The following TANGO6 variants were observed in gnomAD, a reference collection of about 807,000 sequenced individuals.
TANGO6 encodes the protein transport and Golgi organization protein 6 homolog.
A neutral mutation model predicts 114.2 loss-of-function variants in TANGO6; 90 were observed. That is an observed-to-expected ratio of 0.79 (90% CI 0.66 to 0.94). The LOEUF (loss-of-function observed/expected upper bound fraction) is 0.94, where lower values mean the gene tolerates loss of function less well. Ranked by LOEUF, TANGO6 falls within the 40% of genes least tolerant of loss-of-function variation. The probability of loss-of-function intolerance (pLI) is 0.00; values close to 1 mark genes in which losing one functional copy is unlikely to be tolerated. For missense variants in TANGO6, 1,274 were observed against 1,315.3 expected, an observed-to-expected ratio of 0.97 and a Z score of 0.49; for synonymous variants, 477 against 509.8, an observed-to-expected ratio of 0.94 and a Z score of 0.87.
chr16:68,860,353 C>T lies in TANGO6; in HGVS notation c.564C>T (p.Ala188=). 9 of 1,613,842 alleles carry T rather than the reference C, an allele frequency of 5.6e-6. No individual in the cohort carries two copies. The highest frequency in any genetic ancestry group is 7.6e-6 in the Non-Finnish European group (9 of 1,179,868). Residue 188 remains alanine (A), a synonymous_variant, in exon 2 of 18, where the codon GCC becomes GCT. Coordinates refer to ENST00000261778, the MANE Select transcript of TANGO6 (RefSeq NM_024562.2). ...VVQDVVCFDA[A]PDATRRLYTS... Reference sequence around the variant, plus strand: ...AAGACGTGGTGTGTTTTGATGCTGCCCCCGATGCAACTCGAAGACTGTACA... The same window carrying T: ...AAGACGTGGTGTGTTTTGATGCTGCTCCCGATGCAACTCGAAGACTGTACA...
intron 16 of TANGO6, among the ~76,000 whole-genome samples, chr16:69,023,930 CAG>C (rs902594196): frequency 1.3e-5 from 2 of 152,022 alleles, no homozygotes; most frequent in East Asian, 1.9e-4. Context: ...TTATTTGAAA[CAG>C]AGTTTCACTC....
At chr16:68,983,861 A>G (rs1404449886) in intron 15 of TANGO6, among the ~76,000 whole-genome samples, 2 of 151,968 alleles carry the variant, frequency 1.3e-5, no homozygotes, top group Admixed American at 6.6e-5. Context: ...GTGAAACCCC[A>G]TCTCTAATAA....
chr16:68,957,155 A>G (rs1266857483), intron 14 of TANGO6, among the ~76,000 whole-genome samples: 1 of 151,754 alleles, frequency 6.6e-6, no homozygotes, highest in Non-Finnish European at 1.5e-5. Context: ...TTATGTGTGT[A>G]TGCATGCATG....
At chr16:68,921,613 T>G (rs992780225) in intron 12 of TANGO6, among the ~76,000 whole-genome samples, 1 of 147,254 alleles carries the variant, frequency 6.8e-6, no homozygotes, top group Admixed American at 6.7e-5. Flanking sequence ...TGTGCTTTTT[T>G]TTTTTTTTTT....
At chr16:68,870,182 G>A (rs1237306510) in intron 4 of TANGO6, among the ~76,000 whole-genome samples, 2 of 152,180 alleles carry the variant, frequency 1.3e-5, no homozygotes, top group Admixed American at 1.3e-4. Flanking sequence ...CAGTGGTCAT[G>A]GAAATGGAGA....
rs1196133021 is a variant in TANGO6, at chr16:68,977,906, G to A, written c.2842+3738G>A. On this transcript the variant is annotated intron_variant, in intron 15 of 17. Transcript: ENST00000261778. ...TCACCATGTTGGACAGGCCGGTCTC[G>A]AACTCCTGACCTCAGGTGATCCGCC... 7.2e-5 allele frequency among the ~76,000 whole-genome samples: 11 copies of A among 151,862 alleles called. No homozygotes were observed. In the South Asian group the frequency reaches 1.0e-3, roughly 14 times the overall value.
intron 7 of TANGO6, among the ~76,000 whole-genome samples, chr16:68,894,698 A>G (rs1357658877): frequency 6.6e-6 from 1 of 151,992 alleles, no homozygotes; most frequent in Non-Finnish European, 1.5e-5. Context: ...GGCCAGGGGT[A>G]TGTGTTTGGG....
chr16:68,866,975 CTTTTTTTTTTTTT>C, intron 3 of TANGO6, 91 bp from the exon 4 acceptor site: 2 of 227,116 alleles, frequency 8.8e-6, no homozygotes, highest in Non-Finnish European at 1.6e-5. Context: ...GCTATTTCTC[CTTTTTTTTTTTTT>C]TTTTTTTTTT....
intron 12 of TANGO6, among the ~76,000 whole-genome samples, chr16:68,926,577 G>A (rs934021068): frequency 4.6e-5 from 7 of 151,494 alleles, no homozygotes; most frequent in Non-Finnish European, 1.0e-4. Flanking sequence ...GCCCAAGCTG[G>A]AGGGCAGTGG....
chr16:68,931,626 G>A (rs892468069), intron 14 of TANGO6, among the ~76,000 whole-genome samples: 1 of 152,152 alleles, frequency 6.6e-6, no homozygotes, highest in Admixed American at 6.5e-5. Flanking sequence ...AACATGGTAA[G>A]TGAAAGAAAC....
chr16:68,972,985 G>T, intron 14 of TANGO6: 1 of 348,568 alleles, frequency 2.9e-6, no homozygotes, highest in Admixed American at 3.6e-5. Flanking sequence ...AAGGGAGAGT[G>T]TTAAAAGATG....
At chr16:68,881,600 A>G (rs554697289) in intron 7 of TANGO6, among the ~76,000 whole-genome samples, 4 of 152,352 alleles carry the variant, frequency 2.6e-5, no homozygotes, top group African/African-American at 9.6e-5. Flanking sequence ...AATCTACTTT[A>G]TAACTTTTGA....
At chr16:68,884,131 A>G (rs1962504780) in intron 7 of TANGO6, among the ~76,000 whole-genome samples, 1 of 152,150 alleles carries the variant, frequency 6.6e-6, no homozygotes, top group African/African-American at 2.4e-5. Flanking sequence ...GCTGGTCTCA[A>G]ACTCCTGACC....
At chr16:68,888,033 G>A (rs1962562176) in intron 7 of TANGO6, among the ~76,000 whole-genome samples, 2 of 152,176 alleles carry the variant, frequency 1.3e-5, no homozygotes, top group African/African-American at 4.8e-5. Flanking sequence ...GGCTCTGGGG[G>A]GCCAGGAGGA....
chr16:68,955,158 T>C (rs1422184401), intron 14 of TANGO6, among the ~76,000 whole-genome samples: 3 of 152,186 alleles, frequency 2.0e-5, no homozygotes, highest in Non-Finnish European at 4.4e-5. Context: ...AGCAGAAACC[T>C]AACTGACAAA....
intron 17 of TANGO6, among the ~76,000 whole-genome samples, chr16:69,064,963 CCA>C (rs1324637584): frequency 6.6e-6 from 1 of 152,096 alleles, no homozygotes; most frequent in Non-Finnish European, 1.5e-5. Context: ...GCCTGTTCCC[CCA>C]TATGTGATCA....
At chr16:69,063,949 C>T (rs947654910) in intron 17 of TANGO6, among the ~76,000 whole-genome samples, 7 of 151,884 alleles carry the variant, frequency 4.6e-5, no homozygotes, top group African/African-American at 1.7e-4. Flanking sequence ...CAATTCCCCT[C>T]CCTCAGCCTC....
At chr16:68,847,834 T>A (rs1467836643) in intron 1 of TANGO6, among the ~76,000 whole-genome samples, 1 of 151,992 alleles carries the variant, frequency 6.6e-6, no homozygotes, top group Non-Finnish European at 1.5e-5. Flanking sequence ...ACCCCGTCTC[T>A]ACTAAAAATA....
intron 12 of TANGO6, among the ~76,000 whole-genome samples, chr16:68,923,953 T>C (rs886784646): frequency 5.9e-5 from 9 of 152,284 alleles, no homozygotes; most frequent in African/African-American, 1.9e-4. Flanking sequence ...AGTCATGTGT[T>C]ATCAGGGGCA....
Sources: gnomAD v4.1 joint callset for allele counts (sites outside exome capture counted in the v4.1 genomes callset) on GRCh38, gnomAD v4.1.1 for gene constraint, MANE v1.5 for transcripts, NCBI Gene and HGNC (gene_info 2026-07-23, HGNC 2026-07-21) for gene names.